Variants in SHISA9 observed in about 807,000 individuals in gnomAD.
SHISA9 encodes protein shisa-9.
In SHISA9, 13 loss-of-function variants were observed where a neutral mutation model predicts 38.0. The observed-to-expected ratio is 0.34, with a 90% confidence interval of 0.22 to 0.54. SHISA9 has a LOEUF of 0.54. Among genes scored for constraint, SHISA9 ranks in the 20% least tolerant of loss-of-function variants. SHISA9 has a pLI of 0.91. For synonymous variants in SHISA9, 275 were observed against 242.0 expected, an observed-to-expected ratio of 1.14 and a Z score of -1.27; for missense variants, 538 against 575.8, an observed-to-expected ratio of 0.93 and a Z score of 0.67.
At chr16:12,989,527 C>G (rs1020709242) in intron 2 of SHISA9, among the ~76,000 whole-genome samples, 6 of 151,974 alleles carry the variant, frequency 3.9e-5, no homozygotes, top group Non-Finnish European at 7.4e-5. Flanking sequence ...TTCTTCTGTT[C>G]TTTTCAGCCA....
chr16:13,404,274 A>C, the SHISA9 span, among the ~76,000 whole-genome samples: 1 of 152,224 alleles, frequency 6.6e-6, no homozygotes, highest in African/African-American at 2.4e-5. Flanking sequence ...ATTACAGTCT[A>C]GTTGAGGAGT....
chr16:13,428,526 A>C, the SHISA9 span, among the ~76,000 whole-genome samples: 18 of 152,186 alleles, frequency 1.2e-4, no homozygotes, highest in East Asian at 3.5e-3. Context: ...GAAGATAGTC[A>C]TAAAACCTCC....
chr16:13,417,731 G>A, the SHISA9 span, among the ~76,000 whole-genome samples: 2 of 152,208 alleles, frequency 1.3e-5, no homozygotes, highest in Non-Finnish European at 2.9e-5. Flanking sequence ...GCCTGTGCCT[G>A]GATGATGAGA....
chr16:13,438,834 C>A, the SHISA9 span, among the ~76,000 whole-genome samples: 1 of 152,162 alleles, frequency 6.6e-6, no homozygotes, highest in Non-Finnish European at 1.5e-5. Context: ...AAAGACTAAA[C>A]GGCAACTTAA....
At chr16:13,196,541 T>G (rs953555177) in intron 2 of SHISA9, among the ~76,000 whole-genome samples, 1 of 152,280 alleles carries the variant, frequency 6.6e-6, no homozygotes, top group South Asian at 2.1e-4. Context: ...ATGACTAAAT[T>G]CTAAGTTTAA....
chr16:12,915,057 A>C (rs2071236755), intron 1 of SHISA9, among the ~76,000 whole-genome samples: 4 of 152,186 alleles, frequency 2.6e-5, no homozygotes, highest in Admixed American at 2.6e-4. Flanking sequence ...GTGTGGGCTT[A>C]GAGGGCTCTG....
At chr16:13,244,980 A>G (rs933068512), downstream of SHISA9, among the ~76,000 whole-genome samples, 1 of 152,178 alleles carries the variant, frequency 6.6e-6, no homozygotes, top group East Asian at 1.9e-4. Context: ...CAGTGGAGCA[A>G]TCACAGCTCA....
the SHISA9 span, among the ~76,000 whole-genome samples, chr16:13,259,196 C>T: frequency 1.3e-5 from 2 of 152,182 alleles, no homozygotes; most frequent in African/African-American, 4.8e-5. Flanking sequence ...GTTCGAAATC[C>T]AGTGGGGCAG....
In SHISA9 at chr16:12,980,984, T is replaced by TA. The variant is rs2072232829; in HGVS notation, c.691+64176dup. On this transcript the variant is annotated intron_variant, in intron 2 of 4. Transcript: ENST00000558583. ...TTAACATGTTTAATAGAAGGCTAAT[T>TA]AAAAAAACTTAAGTCCATCTGTTCT... Among the ~76,000 whole-genome samples, 5 of 152,326 alleles carry TA rather than the reference T, an allele frequency of 3.3e-5. No individual in the cohort carries two copies. The South Asian group carries it at 1.0e-3, about 32-fold the overall frequency.
the SHISA9 span, among the ~76,000 whole-genome samples, chr16:13,450,573 C>T: frequency 6.6e-6 from 1 of 152,220 alleles, no homozygotes; most frequent in Non-Finnish European, 1.5e-5. Context: ...ATTTATTGAT[C>T]ACCTGCTATA....
At chr16:13,367,697 TGCGCGCGC>T in the SHISA9 span, among the ~76,000 whole-genome samples, 13 of 116,152 alleles carry the variant, frequency 1.1e-4, no homozygotes, top group South Asian at 1.3e-3. Flanking sequence ...CGCGTGTGCG[TGCGCGCGC>T]GCGCGCGCAC....
Position 12,902,313 on chromosome 16 carries a change from G to C in SHISA9, c.249G>C (p.Gln83His), listed in dbSNP as rs755751888. Reference protein sequence around the residue: ...FCRGYFDVMGQWDPPFNCSSG... With the variant: ...FCRGYFDVMGHWDPPFNCSSG... Reference sequence around the variant, plus strand: ...GGGGCTACTTCGATGTCATGGGCCAGTGGGACCCGCCGTTCAACTGCAGCT... The same window carrying C: ...GGGGCTACTTCGATGTCATGGGCCACTGGGACCCGCCGTTCAACTGCAGCT... Residue 83 changes from glutamine (Q) to histidine (H), a missense_variant, in exon 1 of 5, where the codon CAG (glutamine) becomes CAC (histidine). By Grantham distance (24) the Gln-to-His change is conservative (BLOSUM62 0). Around this residue, in one of 4 missense-constraint regions of SHISA9, gnomAD observed 17 missense variants for 57.2 expected, o/e 0.30. Coordinates refer to ENST00000558583, the MANE Select transcript of SHISA9 (RefSeq NM_001145204.3). 7 of 1,550,892 alleles carry C rather than the reference G, an allele frequency of 4.5e-6. No individual in the cohort carries two copies. In the South Asian group the frequency reaches 8.3e-5, roughly 18 times the overall value.
intron 2 of SHISA9, among the ~76,000 whole-genome samples, chr16:13,186,263 AT>A (rs1301355769): frequency 2.6e-5 from 4 of 151,362 alleles, no homozygotes; most frequent in Admixed American, 6.6e-5. Context: ...GGGGAAAAAA[AT>A]AACATGAAAT....
At chr16:13,111,704 C>G (rs911027791) in intron 2 of SHISA9, among the ~76,000 whole-genome samples, 1 of 152,162 alleles carries the variant, frequency 6.6e-6, no homozygotes, top group African/African-American at 2.4e-5. Flanking sequence ...TTACCCTATT[C>G]CAGGTAACCT....
At chr16:13,168,527 G>A (rs1366727320) in intron 2 of SHISA9, among the ~76,000 whole-genome samples, 6 of 152,182 alleles carry the variant, frequency 3.9e-5, no homozygotes, top group Non-Finnish European at 8.8e-5. Context: ...AGTCTTCTTA[G>A]GTGCCCCAGC....
intron 2 of SHISA9, among the ~76,000 whole-genome samples, chr16:12,972,478 G>T (rs2072098144): frequency 6.6e-6 from 1 of 152,170 alleles, no homozygotes; most frequent in African/African-American, 2.4e-5. Context: ...ATGTTGGAAG[G>T]ATGAATCATA....
chr16:13,226,707 A>T (rs988620139), intron 4 of SHISA9, among the ~76,000 whole-genome samples: 1 of 152,286 alleles, frequency 6.6e-6, no homozygotes, highest in Middle Eastern at 3.4e-3. Flanking sequence ...TTTTCTTGGT[A>T]TCTGGGTCTG....
the SHISA9 span, among the ~76,000 whole-genome samples, chr16:13,280,227 T>C: frequency 6.7e-6 from 1 of 149,768 alleles, no homozygotes; most frequent in Non-Finnish European, 1.5e-5. Context: ...TATTATTCCC[T>C]TGATTTCTAT....
chr16:13,560,032 A>G, the SHISA9 span, among the ~76,000 whole-genome samples: 2 of 152,258 alleles, frequency 1.3e-5, no homozygotes, highest in African/African-American at 2.4e-5. Flanking sequence ...TTTAAAATAA[A>G]CAAGAGAGAG....
Sources: gnomAD v4.1 joint callset for allele counts (sites outside exome capture counted in the v4.1 genomes callset) on GRCh38, gnomAD v4.1.1 for gene constraint, gnomAD v4.1.1 regional missense constraint, MANE v1.5 for transcripts, NCBI Gene and HGNC (gene_info 2026-07-23, HGNC 2026-07-21) for gene names.